The following ACVR2B variants were observed in gnomAD, a reference collection of about 807,000 sequenced individuals.
ACVR2B encodes activin receptor type-2B.
ACVR2B carries 18 observed loss-of-function variants against 65.1 expected under a neutral mutation model. That is an observed-to-expected ratio of 0.28 (90% CI 0.19 to 0.41). The LOEUF is 0.41. ACVR2B is among the 10% of genes least tolerant of loss of function. The pLI is 1.00. For synonymous variants in ACVR2B, 298 were observed against 277.7 expected, an observed-to-expected ratio of 1.07 and a Z score of -0.73; for missense variants, 482 against 682.7, an observed-to-expected ratio of 0.71 and a Z score of 3.28.
At chr3:38,469,421 C>G (rs1709784006) in intron 1 of ACVR2B, among the ~76,000 whole-genome samples, 1 of 152,110 alleles carries the variant, frequency 6.6e-6, no homozygotes, top group South Asian at 2.1e-4. Context: ...CTTCAGACTT[C>G]TGTTGTGTTA....
rs532752371 is a variant in ACVR2B at position 38,482,344 on chromosome 3, G to A, written c.1213+8G>A. 1.2e-6 allele frequency: 2 copies of A among 1,610,704 alleles called. No individual in the cohort carries two copies. Among genetic ancestry groups the A allele is most frequent in the East Asian group, 2.2e-5 (1 of 44,838 alleles). On this transcript the variant is annotated splice_region_variant and intron_variant, in intron 9 of 10. Coordinates refer to ENST00000352511, the MANE Select transcript of ACVR2B (RefSeq NM_001106.4). ...GCTGCAAGGCTGCAGACGGTAAGTA[G>A]GATGGCAGCCCTGGGCATCCTAGAT... is the stretch of plus-strand genomic sequence containing the variant.
Position 38,454,354 on chromosome 3 carries a change from T to C in ACVR2B, c.32T>C (p.Leu11Pro). MTAPWVALAL[L>P]WGSLCAGSGR... Reference sequence around the variant, plus strand: ...GCGCCCTGGGTGGCCCTCGCCCTCCTCTGGGGATCGCTGTGCGCCGGTAAG... The same window carrying C: ...GCGCCCTGGGTGGCCCTCGCCCTCCCCTGGGGATCGCTGTGCGCCGGTAAG... The change falls in exon 1 of 11, where the codon CTC (leucine) becomes CCC (proline). Residue 11 changes from leucine to proline, a missense_variant. Leu to Pro is a moderately conservative substitution (Grantham distance 98). Coordinates refer to ENST00000352511, the MANE Select transcript of ACVR2B (RefSeq NM_001106.4). The C allele has an allele frequency of 7.7e-7, 1 of 1,290,786 alleles. No individual in the cohort carries two copies. 80.0% of individuals were successfully genotyped at this position (1,290,786 alleles called of 1,614,324 possible). A position where few individuals can be genotyped will look rare whatever the true frequency, so the allele number is the denominator to read the frequency against.
chr3:38,480,070 T>G (rs1709991029), intron 7 of ACVR2B, among the ~76,000 whole-genome samples: 1 of 152,210 alleles, frequency 6.6e-6, no homozygotes, highest in Non-Finnish European at 1.5e-5. Flanking sequence ...TTACTTTGGT[T>G]GGAGAGTTGG....
intron 1 of ACVR2B, among the ~76,000 whole-genome samples, chr3:38,459,372 G>A (rs774094718): frequency 3.6e-4 from 55 of 152,194 alleles, no homozygotes; most frequent in Non-Finnish European, 5.4e-4. Flanking sequence ...CTGCCTGCCC[G>A]CACCCGCCCA....
chr3:38,469,837 A>G (rs1164125321), intron 1 of ACVR2B, among the ~76,000 whole-genome samples: 2 of 152,250 alleles, frequency 1.3e-5, no homozygotes, highest in African/African-American at 4.8e-5. Context: ...GCAGACTTTC[A>G]AGAAGTTAAA....
intron 1 of ACVR2B, among the ~76,000 whole-genome samples, chr3:38,457,686 C>A (rs1041934086): frequency 6.6e-6 from 1 of 152,190 alleles, no homozygotes; most frequent in Non-Finnish European, 1.5e-5. Context: ...AAACAGTATT[C>A]TAAGTGAAGT....
At chr3:38,456,008 C>G (rs541806) in intron 1 of ACVR2B, among the ~76,000 whole-genome samples, 1 of 152,138 alleles carries the variant, frequency 6.6e-6, no homozygotes, top group Non-Finnish European at 1.5e-5. Flanking sequence ...GACCTGGGAT[C>G]TGGGGATCAC....
intron 1 of ACVR2B, chr3:38,454,695 C>G (rs779644802): frequency 3.9e-6 from 1 of 253,582 alleles, no homozygotes; most frequent in Admixed American, 5.5e-5. Context: ...GTGAGGAAAA[C>G]CTGAGCGTGG....
In ACVR2B at chr3:38,477,510, C is replaced by G. The variant is rs956308825; in HGVS notation, c.260+16C>G. ...GCTACGATAGGTACCCCAAGACTTG[C>G]CCTCCTTTCCTCTTGGACCCACCTG... On this transcript the variant is annotated intron_variant, in intron 2 of 10. Coordinates refer to ENST00000352511, the MANE Select transcript of ACVR2B (RefSeq NM_001106.4). This position sits in a 1 kb window ranked among gnomAD's most constrained non-coding sequence, Gnocchi z 6.7. 1 of 1,611,864 alleles carries G rather than the reference C, an allele frequency of 6.2e-7. No homozygotes were observed. Among genetic ancestry groups the G allele is most frequent in the Non-Finnish European group, 8.5e-7 (1 of 1,178,984 alleles).
Position 38,490,145 on chromosome 3 carries a change from G to C in ACVR2B, c.*6813G>C, listed in dbSNP as rs1033085396. Reference sequence around the variant, plus strand: ...TTTAGCCTATTTATTTTTAGGCAGAGAGTGGATGGTTATTTGTGTGGGACT... The same window carrying C: ...TTTAGCCTATTTATTTTTAGGCAGACAGTGGATGGTTATTTGTGTGGGACT... On this transcript the variant is annotated 3_prime_UTR_variant, in exon 11 of 11. Transcript: ENST00000352511. The C allele has an allele frequency of 6.6e-6, 1 of 152,302 alleles. No homozygotes were observed. Among genetic ancestry groups the C allele is most frequent in the African/African-American group, 2.4e-5 (1 of 41,442 alleles). 9.4% of individuals were successfully genotyped at this position (152,302 alleles called of 1,614,324 possible).
intron 1 of ACVR2B, among the ~76,000 whole-genome samples, chr3:38,455,096 G>C (rs940123135): frequency 6.6e-6 from 1 of 152,222 alleles, no homozygotes; most frequent in African/African-American, 2.4e-5. Flanking sequence ...CCAGCGCTCA[G>C]CTCGCCCGCG....
intron 1 of ACVR2B, among the ~76,000 whole-genome samples, chr3:38,455,369 G>T (rs1191174087): frequency 1.3e-5 from 2 of 152,158 alleles, no homozygotes; most frequent in Non-Finnish European, 2.9e-5. Flanking sequence ...CCGGCCGCCG[G>T]GTCCTGCGCG....
chr3:38,456,333 T>G lies in ACVR2B; in HGVS notation c.52+1959T>G, dbSNP rs116062560. On this transcript the variant is annotated intron_variant, in intron 1 of 10. Coordinates refer to ENST00000352511, the MANE Select transcript of ACVR2B (RefSeq NM_001106.4). ...GTTGCTTTGGCTTCAGGGATGCCCT[T>G]TAATTTCAAGCTCCTGGCTTGCTGT... Among the ~76,000 whole-genome samples, 586 of 152,358 alleles carry G rather than the reference T, an allele frequency of 3.8e-3. 4 individuals carry two copies. Among genetic ancestry groups the G allele is most frequent in the Middle Eastern group, 0.014 (4 of 294 alleles).
rs191204441 is a variant in ACVR2B at position 38,481,333 on chromosome 3, G to A, written c.960-18G>A. Reference sequence around the variant, plus strand: ...GATCATGATGTTAAGCTTTATCTCTGCCCACTTGTTTCCACAGGGACTTTA... The same window carrying A: ...GATCATGATGTTAAGCTTTATCTCTACCCACTTGTTTCCACAGGGACTTTA... On this transcript the variant is annotated intron_variant, in intron 7 of 10. Coordinates refer to ENST00000352511, the MANE Select transcript of ACVR2B (RefSeq NM_001106.4). This position sits in a 1 kb window ranked among gnomAD's most constrained non-coding sequence, Gnocchi z 4.7. 6.3e-7 allele frequency: 1 copy of A among 1,592,528 alleles called. No individual in the cohort carries two copies. The highest frequency in any genetic ancestry group is 2.2e-5 in the East Asian group (1 of 44,752).
rs1386647384 is a variant in ACVR2B at position 38,486,763 on chromosome 3, C to G, written c.*3431C>G. 2.0e-5 allele frequency: 3 copies of G among 152,180 alleles called. No individual in the cohort carries two copies. The highest frequency in any genetic ancestry group is 1.9e-4 in the East Asian group (1 of 5,186). 9.4% of individuals were successfully genotyped at this position (152,180 alleles called of 1,614,324 possible). A position where few individuals can be genotyped will look rare whatever the true frequency, so the allele number is the denominator to read the frequency against. ...CAGGCTCCTGGCTGTAGGGATGGGC[C>G]TTGGGGAAGAATCTTCTTTGAAAGC... On this transcript the variant is annotated 3_prime_UTR_variant, in exon 11 of 11. Coordinates refer to ENST00000352511, the MANE Select transcript of ACVR2B (RefSeq NM_001106.4).
At chr3:38,466,455 C>A in intron 1 of ACVR2B, among the ~76,000 whole-genome samples, 1 of 151,850 alleles carries the variant, frequency 6.6e-6, no homozygotes, top group Non-Finnish European at 1.5e-5. Flanking sequence ...AAAACGTATT[C>A]TACCCCATAA....
At position 38,478,169 on chromosome 3, in the gene ACVR2B, C is replaced by T. The variant is rs556613690; in HGVS notation, c.399C>T (p.Pro133=). 1.9e-6 allele frequency: 3 copies of T among 1,612,924 alleles called. No homozygotes were observed. Among genetic ancestry groups the T allele is most frequent in the African/African-American group, 2.7e-5 (2 of 74,998 alleles). The change falls in exon 4 of 11, where the codon CCC becomes CCT. Residue 133 remains proline, a synonymous_variant. Coordinates refer to ENST00000352511, the MANE Select transcript of ACVR2B (RefSeq NM_001106.4). The part of the protein sequence containing the change: ...EVTYEPPPTA[P]TLLTVLAYSL... ...CGTACGAGCCACCCCCGACAGCCCC[C>T]ACCCTGCTCACGGTGCTGGCCTACT...
chr3:38,483,310 C>G lies in ACVR2B; in HGVS notation c.1517C>G (p.Pro506Arg). Reference protein sequence around the residue: ...LVTSVTNVDLPPKESSI With the variant: ...LVTSVTNVDLRPKESSI Reference sequence around the variant, plus strand: ...ACCTCTGTCACCAATGTGGACCTGCCCCCTAAAGAGTCAAGCATCTAAGCC... The same window carrying G: ...ACCTCTGTCACCAATGTGGACCTGCGCCCTAAAGAGTCAAGCATCTAAGCC... The change falls in exon 11 of 11, where the codon CCC becomes CGC. Residue 506 changes from proline to arginine, a missense_variant. Pro to Arg is a moderately radical substitution (Grantham distance 103). Coordinates refer to ENST00000352511, the MANE Select transcript of ACVR2B (RefSeq NM_001106.4). This position sits in a 1 kb window ranked among gnomAD's most constrained non-coding sequence, Gnocchi z 4.8. The G allele has an allele frequency of 1.2e-6, 2 of 1,614,022 alleles. No homozygotes were observed. The highest frequency in any genetic ancestry group is 1.7e-6 in the Non-Finnish European group (2 of 1,180,006).
chr3:38,467,488 A>G (rs901211338), intron 1 of ACVR2B, among the ~76,000 whole-genome samples: 1 of 151,964 alleles, frequency 6.6e-6, no homozygotes, highest in Non-Finnish European at 1.5e-5. Context: ...GCAGTGGCTC[A>G]TGCCTGTAAT....
Sources: gnomAD v4.1 joint callset for allele counts (sites outside exome capture counted in the v4.1 genomes callset) on GRCh38, gnomAD v4.1.1 for gene constraint, Gnocchi (gnomAD v3.1) non-coding constraint, MANE v1.5 for transcripts, NCBI Gene and HGNC (gene_info 2026-07-23, HGNC 2026-07-21) for gene names.